LMLN: variants seen among roughly 807,000 people sequenced by gnomAD.
LMLN encodes the protein leishmanolysin-like peptidase.
LMLN carries 70 observed loss-of-function variants against 92.3 expected under a neutral mutation model. That is an observed-to-expected ratio of 0.76 (90% confidence interval 0.63 to 0.92). The LOEUF is 0.92. LMLN is among the 40% of genes least tolerant of loss of function. The pLI is 0.00. For synonymous variants in LMLN, 308 were observed against 296.2 expected, an observed-to-expected ratio of 1.04 and a Z score of -0.41; for missense variants, 691 against 814.6, an observed-to-expected ratio of 0.85 and a Z score of 1.85.
chr3:197,961,756 A>G (rs1720900662), intron 1 of LMLN, among the ~76,000 whole-genome samples: 1 of 152,218 alleles, frequency 6.6e-6, no homozygotes, highest in African/African-American at 2.4e-5. Context: ...AGGAAATTAC[A>G]TAACTTTTTT....
chr3:198,012,033 AAAAC>A (rs1315107345), intron 11 of LMLN, among the ~76,000 whole-genome samples: 18 of 152,296 alleles, frequency 1.2e-4, no homozygotes, highest in South Asian at 4.2e-4. Flanking sequence ...TTACAAGAAA[AAAAC>A]AAACAACCCC....
At chr3:198,038,084 C>T (rs568879377) in intron 15 of LMLN, among the ~76,000 whole-genome samples, 1 of 152,220 alleles carries the variant, frequency 6.6e-6, no homozygotes, top group East Asian at 1.9e-4. Context: ...TCCTCACAGT[C>T]CGTCTGCCTG....
intron 14 of LMLN, among the ~76,000 whole-genome samples, chr3:198,027,817 G>A (rs1175974798): frequency 1.3e-5 from 2 of 152,110 alleles, no homozygotes; most frequent in East Asian, 1.9e-4. Flanking sequence ...TTGCTGCAGC[G>A]AACACTGGCT....
chr3:198,014,241 T>C (rs1302912478), intron 11 of LMLN, among the ~76,000 whole-genome samples: 288 of 102,744 alleles, frequency 2.8e-3, no homozygotes, highest in Middle Eastern at 6.9e-3. Context: ...CTTCTCTGTA[T>C]CCTTCAGAGC....
At chr3:198,024,012 G>A (rs1722851571) in intron 13 of LMLN, among the ~76,000 whole-genome samples, 1 of 152,044 alleles carries the variant, frequency 6.6e-6, no homozygotes, top group Non-Finnish European at 1.5e-5. Context: ...TAATTTGGAG[G>A]TGCCTCCTAT....
At chr3:198,036,817 G>T (rs1395579245) in intron 15 of LMLN, among the ~76,000 whole-genome samples, 2 of 152,098 alleles carry the variant, frequency 1.3e-5, no homozygotes, top group Non-Finnish European at 2.9e-5. Flanking sequence ...GATTTTTATG[G>T]CAGTTTGACA....
chr3:197,975,139 A>T (rs1417669585), intron 3 of LMLN, 67 bp downstream of exon 3: 2 of 880,734 alleles, frequency 2.3e-6, no homozygotes, highest in Non-Finnish European at 3.7e-6. Context: ...ATTCTACTTC[A>T]GTAAAGAAAA....
At chr3:198,012,791 C>G (rs1722487735) in intron 11 of LMLN, among the ~76,000 whole-genome samples, 1 of 150,358 alleles carries the variant, frequency 6.7e-6, no homozygotes, top group South Asian at 2.1e-4. Flanking sequence ...AGTCTGACTT[C>G]TCTGTACCCT....
intron 15 of LMLN, among the ~76,000 whole-genome samples, chr3:198,036,781 A>G (rs1051216189): frequency 2.0e-5 from 3 of 152,266 alleles, no homozygotes; most frequent in African/African-American, 7.2e-5. Context: ...ATTCACAATT[A>G]AAATTTTGAT....
rs191796142 is a variant in LMLN at position 197,973,793 on chromosome 3, A to G, written c.220-584A>G. On this transcript the variant is annotated intron_variant, in intron 1 of 15. Coordinates refer to ENST00000330198, the Ensembl canonical transcript of LMLN. ...TATAAAAATAAAAATGTGGTTGTCC[A>G]TTGCTGGAATTATATGAGTGAGATA... Among the ~76,000 whole-genome samples the G allele has an allele frequency of 2.4e-4, 36 of 152,338 alleles. 1 individual carries two copies. The highest frequency in any genetic ancestry group is 4.1e-4 in the Non-Finnish European group (28 of 68,028).
chr3:197,981,887 C>T (rs780482294), intron 6 of LMLN, among the ~76,000 whole-genome samples: 1 of 152,012 alleles, frequency 6.6e-6, no homozygotes, highest in African/African-American at 2.4e-5. Context: ...CCACTGCAAC[C>T]TCTGCCTCCC....
At chr3:198,028,850 T>G (rs545037234) in intron 14 of LMLN, among the ~76,000 whole-genome samples, 90 of 152,326 alleles carry the variant, frequency 5.9e-4, no homozygotes, top group African/African-American at 2.1e-3. Flanking sequence ...AGGCACAAAT[T>G]TATATTTTTG....
intron 12 of LMLN, among the ~76,000 whole-genome samples, chr3:198,020,992 A>G (rs1479281997): frequency 2.0e-5 from 3 of 151,842 alleles, no homozygotes; most frequent in South Asian, 2.1e-4. Flanking sequence ...TATTCAAAGT[A>G]TATTATATAT....
intron 5 of LMLN, among the ~76,000 whole-genome samples, chr3:197,978,429 A>G (rs1721465331): frequency 6.6e-6 from 1 of 152,144 alleles, no homozygotes; most frequent in South Asian, 2.1e-4. Flanking sequence ...TGACTCCGGG[A>G]GTTTAAGACT....
exon 16 of LMLN, chr3:198,039,956 T>C (rs1723353818): frequency 6.6e-6 from 1 of 152,162 alleles, no homozygotes; most frequent in African/African-American, 2.4e-5. Context: ...ATGGAAGACA[T>C]GCAAACAGAA....
intron 5 of LMLN, among the ~76,000 whole-genome samples, chr3:197,978,268 T>A (rs953146065): frequency 6.6e-6 from 1 of 152,374 alleles, no homozygotes; most frequent in East Asian, 1.9e-4. Flanking sequence ...AAAGTGCTTT[T>A]CTTTCATAAG....
At chr3:197,969,171 T>C (rs1185004436) in intron 1 of LMLN, among the ~76,000 whole-genome samples, 2 of 152,044 alleles carry the variant, frequency 1.3e-5, no homozygotes, top group African/African-American at 4.8e-5. Context: ...AGCCTTGAAC[T>C]CCTGAGCTCA....
At chr3:198,037,348 C>T (rs987158253) in intron 15 of LMLN, among the ~76,000 whole-genome samples, 13 of 152,224 alleles carry the variant, frequency 8.5e-5, no homozygotes, top group Admixed American at 2.0e-4. Context: ...CCAAGTGAGG[C>T]AGCTGAGTTT....
intron 11 of LMLN, among the ~76,000 whole-genome samples, chr3:198,011,336 A>G (rs1016314162): frequency 6.6e-6 from 1 of 151,598 alleles, no homozygotes; most frequent in Admixed American, 6.6e-5. Context: ...ATGTGTTCTC[A>G]TTGTTCAATT....
Sources: gnomAD v4.1 joint callset for allele counts (sites outside exome capture counted in the v4.1 genomes callset) on GRCh38, gnomAD v4.1.1 for gene constraint, MANE v1.5 for transcripts, NCBI Gene and HGNC (gene_info 2026-07-23, HGNC 2026-07-21) for gene names.